Variants in NALF1 observed in about 807,000 individuals in gnomAD.
NALF1 encodes the protein family with sequence similarity 155 member A.
In NALF1, 3 loss-of-function variants were observed where a neutral mutation model predicts 48.4. The ratio of observed to expected loss-of-function variants is 0.06; its 90% CI spans 0.03 to 0.16. The LOEUF is 0.16. Among genes scored for constraint, NALF1 ranks in the 10% least tolerant of loss-of-function variants. NALF1 has a pLI of 1.00. For missense variants in NALF1, 526 were observed against 571.5 expected (o/e 0.92, Z 0.81); for synonymous variants, 262 against 245.7 (o/e 1.07, Z -0.62).
In NALF1 at chr13:107,432,558, G is replaced by A. The variant is rs370734761; in HGVS notation, c.916-221803C>T. ...CTGCTTCCCCGGGTGATTGAAATATGCATTCAAGAAGTAGAATGTCTGCTA... is the reference window on the plus strand; with the variant it reads ...CTGCTTCCCCGGGTGATTGAAATATACATTCAAGAAGTAGAATGTCTGCTA... On this transcript the variant is annotated intron_variant, in intron 1 of 2. Coordinates refer to ENST00000375915, the MANE Select transcript of NALF1 (RefSeq NM_001080396.3). Among the ~76,000 whole-genome samples the A allele has an allele frequency of 2.6e-5, 4 of 152,168 alleles. No homozygotes were observed. In the East Asian group the frequency reaches 7.7e-4, roughly 29 times the overall value.
Position 107,866,338 on chromosome 13 carries a change from TCTG to T in NALF1, c.256_258del (p.Gln86del), listed in dbSNP as rs756515049. 2,658 of 1,511,774 alleles carry T rather than the reference TCTG, an allele frequency of 1.8e-3. No homozygotes were observed. The highest frequency in any genetic ancestry group is 4.0e-3 in the Admixed American group (215 of 54,178). The allele number at this position is 1,511,774 out of a possible 1,614,324, so 93.6% of individuals were successfully genotyped here. ...TGCTGCTGCTGCTGCTGCCGCTGCC[TCTG>T]CTGCTGCTGCTGCTGCTGCTGCTGC... On this transcript the variant is annotated inframe_deletion, in exon 1 of 3. Coordinates refer to ENST00000375915, the MANE Select transcript of NALF1 (RefSeq NM_001080396.3). This position sits in a 1 kb window ranked among gnomAD's most constrained non-coding sequence, Gnocchi z 4.4.
intron 1 of NALF1, among the ~76,000 whole-genome samples, chr13:107,799,831 A>G (rs186771102): frequency 6.6e-6 from 1 of 152,328 alleles, no homozygotes; most frequent in Non-Finnish European, 1.5e-5. Context: ...GAAGGTAAAC[A>G]CAACAGCAAT....
chr13:107,443,434 C>G (rs1405276221), intron 1 of NALF1, among the ~76,000 whole-genome samples: 1 of 152,096 alleles, frequency 6.6e-6, no homozygotes, highest in Admixed American at 6.6e-5. Context: ...CCAGGCTGGT[C>G]TCGAACCCAT....
At chr13:107,813,271 T>G (rs140930067) in intron 1 of NALF1, among the ~76,000 whole-genome samples, 9 of 152,234 alleles carry the variant, frequency 5.9e-5, no homozygotes, top group African/African-American at 2.2e-4. Context: ...TATAATTAAG[T>G]TGATAGAAAA....
chr13:107,490,322 C>T (rs1594091062), intron 1 of NALF1, among the ~76,000 whole-genome samples: 1 of 152,278 alleles, frequency 6.6e-6, no homozygotes, highest in South Asian at 2.1e-4. Flanking sequence ...CAGAATCAAC[C>T]TAAATGCCCA....
chr13:107,390,877 T>TTAATAATAATAACAA (rs1883614828), intron 1 of NALF1, among the ~76,000 whole-genome samples: 2 of 147,222 alleles, frequency 1.4e-5, no homozygotes. Context: ...AGCCAGAAGG[T>TTAATAATAATAACAA]TAATAATAAT....
At chr13:107,410,771 G>T (rs951526476) in intron 1 of NALF1, among the ~76,000 whole-genome samples, 1 of 152,028 alleles carries the variant, frequency 6.6e-6, no homozygotes. Context: ...TATAAACGTT[G>T]GGGGCCATAA....
Position 107,636,962 on chromosome 13 carries a change from C to T in NALF1, c.915+228720G>A, listed in dbSNP as rs1039783984. On this transcript the variant is annotated intron_variant, in intron 1 of 2. Coordinates refer to ENST00000375915, the MANE Select transcript of NALF1 (RefSeq NM_001080396.3). ...AGTCAATAATGAGCCACATTAAGAA[C>T]AGTGGTCCCATAAGATTATAATGTA... is the stretch of plus-strand genomic sequence containing the variant. Among the ~76,000 whole-genome samples, 3 of 151,024 alleles carry T rather than the reference C, an allele frequency of 2.0e-5. No individual in the cohort carries two copies. The South Asian group carries it at 6.2e-4, about 31-fold the overall frequency.
chr13:107,828,629 AC>A (rs1879605406), intron 1 of NALF1, among the ~76,000 whole-genome samples: 1 of 151,510 alleles, frequency 6.6e-6, no homozygotes, highest in Non-Finnish European at 1.5e-5. Context: ...ACACACACAC[AC>A]ACACACACAC....
intron 1 of NALF1, among the ~76,000 whole-genome samples, chr13:107,548,776 CT>C (rs1877207128): frequency 6.6e-6 from 1 of 151,992 alleles, no homozygotes; most frequent in Non-Finnish European, 1.5e-5. Context: ...TACTTGTAGC[CT>C]GTGAACTTGT....
intron 1 of NALF1, among the ~76,000 whole-genome samples, chr13:107,645,564 T>G (rs1880292424): frequency 6.6e-6 from 1 of 152,040 alleles, no homozygotes; most frequent in South Asian, 2.1e-4. Flanking sequence ...ACAATTTTTA[T>G]CTCTTTTCTT....
chr13:107,223,138 T>C (rs1291420143), intron 1 of NALF1, among the ~76,000 whole-genome samples: 2 of 152,224 alleles, frequency 1.3e-5, no homozygotes, highest in Non-Finnish European at 2.9e-5. Context: ...ATTTCTTTGT[T>C]CTGGTTGGCA....
chr13:107,728,878 G>T (rs568868900), intron 1 of NALF1, among the ~76,000 whole-genome samples: 1 of 152,028 alleles, frequency 6.6e-6, no homozygotes, highest in African/African-American at 2.4e-5. Context: ...ATAGCCAATA[G>T]GTCAAAAAGA....
At chr13:107,432,000 T>C (rs1884389954) in intron 1 of NALF1, among the ~76,000 whole-genome samples, 1 of 152,196 alleles carries the variant, frequency 6.6e-6, no homozygotes, top group Non-Finnish European at 1.5e-5. Context: ...TGCATTGTTA[T>C]AAAGGAGTAC....
At chr13:107,279,376 C>G (rs979265925) in intron 1 of NALF1, among the ~76,000 whole-genome samples, 13 of 152,138 alleles carry the variant, frequency 8.5e-5, no homozygotes, top group Admixed American at 1.3e-4. Context: ...CTGTCTCAGC[C>G]TCCCGAGTAG....
intron 1 of NALF1, among the ~76,000 whole-genome samples, chr13:107,488,614 G>T (rs1885367469): frequency 6.6e-6 from 1 of 151,920 alleles, no homozygotes. Context: ...CATATTGAAG[G>T]TACATACTTT....
chr13:107,180,987 T>C (rs561810547), intron 2 of NALF1, among the ~76,000 whole-genome samples: 2 of 151,880 alleles, frequency 1.3e-5, no homozygotes, highest in East Asian at 3.9e-4. Context: ...ATAGCTTGTT[T>C]ATAGGATTAG....
At position 107,622,471 on chromosome 13, in the gene NALF1, CAA is replaced by C. The variant is rs59079915; in HGVS notation, c.915+243209_915+243210del. On this transcript the variant is annotated intron_variant, in intron 1 of 2. Coordinates refer to ENST00000375915, the MANE Select transcript of NALF1 (RefSeq NM_001080396.3). ...ACAAACAAACAAACAACAACAACAA[CAA>C]AAAAAAAAAAACAGAGAGAAAAGAA... Among the ~76,000 whole-genome samples, 238 of 146,504 alleles carry C rather than the reference CAA, an allele frequency of 1.6e-3. 2 individuals are homozygous for C. Among genetic ancestry groups the C allele is most frequent in the African/African-American group, 4.9e-3 (191 of 39,040 alleles).
intron 1 of NALF1, among the ~76,000 whole-genome samples, chr13:107,597,008 A>T (rs1346100141): frequency 6.6e-6 from 1 of 152,172 alleles, no homozygotes; most frequent in Non-Finnish European, 1.5e-5. Context: ...CTAGGTATGC[A>T]ACTCTATTTC....
Sources: allele counts gnomAD v4.1 joint callset (sites outside exome capture counted in the v4.1 genomes callset), GRCh38; gene constraint gnomAD v4.1.1; non-coding constraint Gnocchi (gnomAD v3.1); transcripts MANE v1.5; gene names NCBI Gene and HGNC (gene_info 2026-07-23, HGNC 2026-07-21).